Variants in HS6ST2 observed in about 807,000 individuals in gnomAD.
The protein encoded by HS6ST2 is heparan-sulfate 6-O-sulfotransferase 2.
Under a neutral mutation model 33.0 loss-of-function variants are expected in HS6ST2, and 17 were observed. The ratio of observed to expected loss-of-function variants is 0.52; its 90% CI spans 0.35 to 0.77. The LOEUF (loss-of-function observed/expected upper bound fraction) is 0.77, where lower values mean the gene tolerates loss of function less well. Among genes scored for constraint, HS6ST2 ranks in the 30% least tolerant of loss-of-function variants. The pLI is 0.01. For synonymous variants in HS6ST2, 248 were observed against 237.1 expected (o/e 1.05, Z -0.42); for missense variants, 519 against 551.7 (o/e 0.94, Z 0.59).
chrX:132,804,644 A>G (rs1376807275), intron 2 of HS6ST2, among the ~76,000 whole-genome samples: 1 of 111,314 alleles, frequency 9.0e-6, no homozygotes, highest in Non-Finnish European at 1.9e-5. Context: ...TACAAAATAA[A>G]AAATTTTTAA....
At chrX:132,937,837 C>A (rs1019038446) in intron 2 of HS6ST2, among the ~76,000 whole-genome samples, 21 of 110,957 alleles carry the variant, frequency 1.9e-4, no homozygotes, top group Non-Finnish European at 1.3e-4. Flanking sequence ...GGCTTACTAC[C>A]TGTGAGTAAA....
rs1302269548 is a variant in HS6ST2 at position 132,628,387 on chromosome X, T to A, written c.1774A>T (p.Asn592Tyr). 3 of 1,188,634 alleles carry A rather than the reference T, an allele frequency of 2.5e-6. No homozygotes were observed. Among genetic ancestry groups the A allele is most frequent in the Non-Finnish European group, 3.4e-6 (3 of 880,320 alleles). The change falls in exon 5 of 5, where the codon AAT becomes TAT. Residue 592 changes from asparagine (N) to tyrosine (Y), a missense_variant. Physicochemically the swap from Asn to Tyr is moderately radical, Grantham distance 143. Coordinates refer to ENST00000370833, the MANE Select transcript of HS6ST2 (RefSeq NM_001394073.1). ...NQNQSQNPNP[N>Y]ANQNLTQNLM... ...TTCTGAGTCAGGTTCTGATTGGCAT[T>A]CGGATTTGGGTTCTGACTCTGATTC...
At chrX:132,771,955 T>C (rs773209925) in intron 2 of HS6ST2, among the ~76,000 whole-genome samples, 3 of 111,813 alleles carry the variant, frequency 2.7e-5, no homozygotes, top group Non-Finnish European at 5.6e-5. Context: ...CTTGGATGTG[T>C]ACAACAGAGC....
intron 2 of HS6ST2, among the ~76,000 whole-genome samples, chrX:132,828,605 G>A (rs944395247): frequency 1.9e-4 from 20 of 102,923 alleles, no homozygotes; most frequent in South Asian, 4.5e-4. Flanking sequence ...GGGGGTGGGT[G>A]GAGACACCGA....
intron 2 of HS6ST2, among the ~76,000 whole-genome samples, chrX:132,752,007 C>T (rs961787308): frequency 1.8e-5 from 2 of 112,072 alleles, no homozygotes; most frequent in Non-Finnish European, 3.8e-5. Flanking sequence ...CACTGTGGCT[C>T]TGTGGGGGCT....
chrX:132,913,849 T>C (rs1221004176), intron 2 of HS6ST2, among the ~76,000 whole-genome samples: 1 of 111,958 alleles, frequency 8.9e-6, no homozygotes, highest in Non-Finnish European at 1.9e-5. Flanking sequence ...TTATAGCAAG[T>C]AAAATGAGTT....
chrX:132,775,026 A>C (rs2064943531), intron 2 of HS6ST2, among the ~76,000 whole-genome samples: 3 of 111,010 alleles, frequency 2.7e-5, no homozygotes, highest in Admixed American at 9.6e-5. Flanking sequence ...CATGGACTGC[A>C]GTGGTTACCA....
At chrX:132,948,902 A>G (rs186626792) in intron 2 of HS6ST2, among the ~76,000 whole-genome samples, 2 of 112,065 alleles carry the variant, frequency 1.8e-5, no homozygotes, top group Admixed American at 1.9e-4. Flanking sequence ...CATTCTTTAC[A>G]CTGTCAAAAC....
At chrX:132,944,522 C>A (rs1469699602) in intron 2 of HS6ST2, among the ~76,000 whole-genome samples, 3 of 111,581 alleles carry the variant, frequency 2.7e-5, no homozygotes, top group Non-Finnish European at 5.7e-5. Context: ...TCATATGGAA[C>A]CAAAAAAGAG....
chrX:132,955,114 A>G (rs1357440332), intron 2 of HS6ST2, among the ~76,000 whole-genome samples: 3 of 112,237 alleles, frequency 2.7e-5, no homozygotes, highest in African/African-American at 9.7e-5. Flanking sequence ...TGCCCAGAAG[A>G]GCTTTTTAAA....
intron 2 of HS6ST2, among the ~76,000 whole-genome samples, chrX:132,933,260 G>A (rs190987245): frequency 1.8e-5 from 2 of 110,398 alleles, no homozygotes; most frequent in African/African-American, 3.3e-5. Flanking sequence ...CCCAGGAGAC[G>A]GAGGTTGCAG....
At chrX:132,882,595 T>C (rs1426447973) in intron 2 of HS6ST2, among the ~76,000 whole-genome samples, 1 of 106,532 alleles carries the variant, frequency 9.4e-6, no homozygotes, top group Admixed American at 1.0e-4. Context: ...ACTTCCTCTT[T>C]TCCTAATTGA....
chrX:132,925,964 G>A (rs2066706247), intron 2 of HS6ST2, among the ~76,000 whole-genome samples: 1 of 111,816 alleles, frequency 8.9e-6, no homozygotes, highest in African/African-American at 3.3e-5. Flanking sequence ...TTAACCCAAA[G>A]TCTCATGATT....
chrX:132,921,558 G>A (rs1404429625), intron 2 of HS6ST2, among the ~76,000 whole-genome samples: 1 of 112,318 alleles, frequency 8.9e-6, no homozygotes, highest in African/African-American at 3.2e-5. Context: ...GAAAGACATA[G>A]TCTCCCATCT....
intron 2 of HS6ST2, among the ~76,000 whole-genome samples, chrX:132,920,736 CT>C (rs1341890289): frequency 8.9e-6 from 1 of 112,694 alleles, no homozygotes; most frequent in Non-Finnish European, 1.9e-5. Flanking sequence ...TGTTGGATGC[CT>C]GCGCAGCTAG....
chrX:132,682,935 G>A (rs1047912088), intron 3 of HS6ST2, among the ~76,000 whole-genome samples: 4 of 109,873 alleles, frequency 3.6e-5, no homozygotes, highest in African/African-American at 6.6e-5. Flanking sequence ...GTGAGGGCTC[G>A]TCTCTAAATA....
intron 4 of HS6ST2, among the ~76,000 whole-genome samples, chrX:132,649,691 C>T: frequency 9.0e-6 from 1 of 110,888 alleles, no homozygotes; most frequent in East Asian, 2.9e-4. Flanking sequence ...AACCTTGTGT[C>T]TACTAAAAAT....
chrX:132,921,726 G>C (rs1013857451), intron 2 of HS6ST2, among the ~76,000 whole-genome samples: 1 of 112,096 alleles, frequency 8.9e-6, no homozygotes, highest in East Asian at 2.8e-4. Context: ...TGCCATGCTT[G>C]AGGTATTCAC....
chrX:132,642,335 T>A (rs967346864), intron 4 of HS6ST2, among the ~76,000 whole-genome samples: 1 of 111,107 alleles, frequency 9.0e-6, no homozygotes, highest in African/African-American at 3.3e-5. Flanking sequence ...AGGGGAAAAG[T>A]TTTCCCCCTA....
Sources: gnomAD v4.1 joint callset for allele counts (sites outside exome capture counted in the v4.1 genomes callset) on GRCh38, gnomAD v4.1.1 for gene constraint, MANE v1.5 for transcripts, NCBI Gene and HGNC (gene_info 2026-07-23, HGNC 2026-07-21) for gene names.